Variants in PTP4A2 observed in about 807,000 individuals in gnomAD.
The protein encoded by PTP4A2 is protein tyrosine phosphatase 4A2.
In PTP4A2, 2 loss-of-function variants were observed where a neutral mutation model predicts 22.9. The ratio of observed to expected loss-of-function variants is 0.09; its 90% CI spans 0.04 to 0.27. The LOEUF (loss-of-function observed/expected upper bound fraction) is 0.27. PTP4A2 is among the 10% of genes least tolerant of loss of function. The pLI, the probability that PTP4A2 is intolerant of heterozygous loss-of-function variation, is 1.00. For synonymous variants in PTP4A2, 68 were observed against 69.1 expected (o/e 0.98, Z 0.08); for missense variants, 103 against 205.1 (o/e 0.50, Z 3.04).
Position 31,908,164 on chromosome 1 carries a change from A to AT in PTP4A2, c.*687dup, listed in dbSNP as rs1557859116. 1 of 9,796 alleles carries AT rather than the reference A, an allele frequency of 1.0e-4. No individual in the cohort carries two copies. The highest frequency in any genetic ancestry group is 5.6e-4 in the African/African-American group (1 of 1,798). 0.6% of individuals were successfully genotyped at this position (9,796 alleles called of 1,614,324 possible). ...ATTATATATATATATATATATATAT[A>AT]TATATATATATATATATATATATAT... On this transcript the variant is annotated 3_prime_UTR_variant, in exon 6 of 6. Coordinates refer to ENST00000647444, the MANE Select transcript of PTP4A2 (RefSeq NM_080391.4).
intron 1 of PTP4A2, among the ~76,000 whole-genome samples, chr1:31,923,691 A>T (rs1392435971): frequency 6.6e-6 from 1 of 151,836 alleles, no homozygotes; most frequent in Non-Finnish European, 1.5e-5. Flanking sequence ...CCCAGCTAAT[A>T]TTTTTAAAGT....
At position 31,909,993 on chromosome 1, in the gene PTP4A2, T is replaced by A. The variant is rs768518685; in HGVS notation, c.395+45A>T. The stretch of plus-strand genomic sequence containing the variant: ...CCTTCCATAATTCCTTCCTCATGCA[T>A]GATCTTGCTTTCTGTGTTTCTGAAC... On this transcript the variant is annotated intron_variant, in intron 5 of 5. Coordinates refer to ENST00000647444, the MANE Select transcript of PTP4A2 (RefSeq NM_080391.4). 4.0e-6 allele frequency: 6 copies of A among 1,502,652 alleles called. No individual in the cohort carries two copies. In the East Asian group the frequency reaches 1.4e-4, roughly 34 times the overall value. The allele number at this position is 1,502,652 out of a possible 1,614,324, so 93.1% of individuals were successfully genotyped here.
chr1:31,917,422 A>C (rs1651904783), intron 2 of PTP4A2, among the ~76,000 whole-genome samples: 1 of 152,240 alleles, frequency 6.6e-6, no homozygotes, highest in South Asian at 2.1e-4. Context: ...GAAAGGTAGA[A>C]GTATTGTCAG....
At chr1:31,913,647 T>C (rs1569583540) in intron 3 of PTP4A2, 1 of 354,816 alleles carries the variant, frequency 2.8e-6, no homozygotes, top group East Asian at 7.5e-5. Context: ...TGCTTTTGAT[T>C]TGCATTTCCC....
chr1:31,934,358 G>C (rs1652848167), intron 1 of PTP4A2, among the ~76,000 whole-genome samples: 1 of 152,156 alleles, frequency 6.6e-6, no homozygotes, highest in Non-Finnish European at 1.5e-5. Flanking sequence ...TGATGGAATA[G>C]CACCCAAATA....
chr1:31,913,602 G>A (rs1651661092), intron 3 of PTP4A2, among the ~76,000 whole-genome samples: 1 of 150,978 alleles, frequency 6.6e-6, no homozygotes, highest in African/African-American at 2.4e-5. Context: ...TTTTGATTAC[G>A]GCCATTCTTA....
At chr1:31,916,145 G>A (rs1410659805) in intron 2 of PTP4A2, among the ~76,000 whole-genome samples, 158 bp from the exon 3 acceptor site, 1 of 151,654 alleles carries the variant, frequency 6.6e-6, no homozygotes, top group Non-Finnish European at 1.5e-5. Flanking sequence ...AGGAGTTCGA[G>A]ACCAGCCTGA....
intron 1 of PTP4A2, chr1:31,923,964 T>G (rs1046397498): frequency 6.6e-6 from 1 of 151,970 alleles, no homozygotes; most frequent in African/African-American, 2.4e-5. Flanking sequence ...AAGTAACTAC[T>G]CAAAGAACAA....
rs1651299663 is a variant in PTP4A2, at chr1:31,908,138, TATTATATATATA to T, written c.*702_*713del. On this transcript the variant is annotated 3_prime_UTR_variant, in exon 6 of 6. Transcript: ENST00000647444. ...AATATATATATATATATATATATTA[TATTATATATATA>T]TATATATATATATATATATATATAT... 3 of 420 alleles carry T rather than the reference TATTATATATATA, an allele frequency of 7.1e-3. 1 individual carries two copies. Among genetic ancestry groups the T allele is most frequent in the Admixed American group, 0.022 (1 of 46 alleles). The allele number at this position is 420 out of a possible 1,614,324, so 0.0% of individuals were successfully genotyped here. A position where few individuals can be genotyped will look rare whatever the true frequency, so the allele number is the denominator to read the frequency against.
intron 1 of PTP4A2, among the ~76,000 whole-genome samples, chr1:31,926,967 G>T (rs974566014): frequency 3.9e-5 from 6 of 152,150 alleles, no homozygotes; most frequent in Non-Finnish European, 8.8e-5. Context: ...TGCTGCAAAG[G>T]TTATGAGGTG....
At chr1:31,911,183 T>C (rs184164559) in intron 4 of PTP4A2, 1 of 152,364 alleles carries the variant, frequency 6.6e-6, no homozygotes, top group Non-Finnish European at 1.5e-5. Flanking sequence ...ACTAATGTTT[T>C]GAGTCAAAGT....
At chr1:31,916,583 T>C (rs1651860619) in intron 2 of PTP4A2, among the ~76,000 whole-genome samples, 1 of 151,722 alleles carries the variant, frequency 6.6e-6, no homozygotes, top group Non-Finnish European at 1.5e-5. Context: ...CTTCTGGGAG[T>C]TTATACAAAA....
intron 1 of PTP4A2, among the ~76,000 whole-genome samples, chr1:31,926,742 T>G (rs1652484326): frequency 6.6e-6 from 1 of 152,108 alleles, no homozygotes; most frequent in Admixed American, 6.5e-5. Flanking sequence ...TTGGGATGGA[T>G]CTTACACTTT....
Position 31,938,277 on chromosome 1 carries a change from G to T in PTP4A2, c.-884C>A, listed in dbSNP as rs1457882264. On this transcript the variant is annotated 5_prime_UTR_variant, in exon 1 of 6. Coordinates refer to ENST00000647444, the MANE Select transcript of PTP4A2 (RefSeq NM_080391.4). This position sits in a 1 kb window ranked among gnomAD's most constrained non-coding sequence, Gnocchi z 4.4. ...TGTGGCGTCACCTCGCGCCGTGCCCGGCCGCCGCTGCCGCTCCAGCCGCTC... is the reference window on the plus strand; with the variant it reads ...TGTGGCGTCACCTCGCGCCGTGCCCTGCCGCCGCTGCCGCTCCAGCCGCTC... 6.7e-6 allele frequency: 1 copy of T among 149,824 alleles called. No homozygotes were observed. Among genetic ancestry groups the T allele is most frequent in the East Asian group, 1.9e-4 (1 of 5,188 alleles). The allele number at this position is 149,824 out of a possible 1,614,324, so 9.3% of individuals were successfully genotyped here.
rs1037605857 is a variant in PTP4A2 at position 31,914,374 on chromosome 1, A to T, written c.189+1521T>A. The T allele has an allele frequency of 7.4e-6, 3 of 407,436 alleles. No individual in the cohort carries two copies. The Admixed American group carries it at 8.9e-5, about 12-fold the overall frequency. 25.2% of individuals were successfully genotyped at this position (407,436 alleles called of 1,614,324 possible). On this transcript the variant is annotated intron_variant, in intron 3 of 5. Coordinates refer to ENST00000647444, the MANE Select transcript of PTP4A2 (RefSeq NM_080391.4). The stretch of plus-strand genomic sequence containing the variant: ...GCCACCACACAGGGCCCTAAAACAC[A>T]TTTTTTTAAAACACATTTGGCTATT...
chr1:31,933,655 G>T (rs1309079594), intron 1 of PTP4A2: 2 of 152,164 alleles, frequency 1.3e-5, no homozygotes, highest in African/African-American at 4.8e-5. Flanking sequence ...CCTAGGAGGT[G>T]GAGGCTGCAG....
chr1:31,929,615 T>G (rs1652632517), intron 1 of PTP4A2, among the ~76,000 whole-genome samples: 2 of 152,248 alleles, frequency 1.3e-5, no homozygotes, highest in Admixed American at 1.3e-4. Flanking sequence ...AGTTAAATCC[T>G]AACATTTGTT....
chr1:31,921,720 T>C (rs907769504), intron 1 of PTP4A2: 10 of 152,238 alleles, frequency 6.6e-5, no homozygotes, highest in African/African-American at 2.4e-4. Context: ...CAGACAGAAA[T>C]AGGTATGAAA....
intron 1 of PTP4A2, among the ~76,000 whole-genome samples, chr1:31,922,847 C>G (rs1480946197): frequency 6.6e-6 from 1 of 151,998 alleles, no homozygotes; most frequent in East Asian, 1.9e-4. Flanking sequence ...ATCTCGAATT[C>G]CTGGATGAAA....
Sources: allele counts gnomAD v4.1 joint callset (sites outside exome capture counted in the v4.1 genomes callset), GRCh38; gene constraint gnomAD v4.1.1; non-coding constraint Gnocchi (gnomAD v3.1); transcripts MANE v1.5; gene names NCBI Gene and HGNC (gene_info 2026-07-23, HGNC 2026-07-21).